DMD: variants seen among roughly 807,000 people sequenced by gnomAD.
DMD encodes mutant dystrophin.
DMD carries 63 observed loss-of-function variants against 330.1 expected under a neutral mutation model. The ratio of observed to expected loss-of-function variants is 0.19; its 90% confidence interval spans 0.16 to 0.24. The LOEUF (loss-of-function observed/expected upper bound fraction) is 0.24. DMD is among the 10% of genes least tolerant of loss of function. The pLI, the probability that DMD is intolerant of heterozygous loss-of-function variation, is 1.00. For synonymous variants in DMD, 1,223 were observed against 959.8 expected (o/e 1.27, Z -5.07); for missense variants, 3,344 against 2,684.1 (o/e 1.25, Z -5.43).
chrX:31,668,496 A>G (rs62587359), intron 53 of DMD, among the ~76,000 whole-genome samples: 4,539 of 110,895 alleles, frequency 0.041, 180 homozygotes, highest in Admixed American at 0.17. Context: ...GCTTTGACAA[A>G]TAATTATATA....
At chrX:31,558,672 GTA>G (rs199910510) in intron 55 of DMD, among the ~76,000 whole-genome samples, 3 of 108,979 alleles carry the variant, frequency 2.8e-5, no homozygotes, top group South Asian at 3.9e-4. Flanking sequence ...ATATGTGTGC[GTA>G]TATATATATA....
intron 9 of DMD, among the ~76,000 whole-genome samples, chrX:32,656,685 A>T (rs775542963): frequency 2.7e-5 from 3 of 112,075 alleles, no homozygotes; most frequent in African/African-American, 9.7e-5. Flanking sequence ...TCGTTTTTCA[A>T]GTCACATACC....
At chrX:32,239,134 C>T in intron 43 of DMD, among the ~76,000 whole-genome samples, 1 of 111,541 alleles carries the variant, frequency 9.0e-6, no homozygotes, top group Middle Eastern at 4.7e-3. Context: ...GTAGTACATC[C>T]TTTCCTTATT....
At chrX:32,582,949 G>C (rs2053818609) in intron 13 of DMD, among the ~76,000 whole-genome samples, 2 of 111,341 alleles carry the variant, frequency 1.8e-5, no homozygotes. Flanking sequence ...CAGTCTCTGT[G>C]GGACAGTAGG....
At chrX:32,115,799 A>T (rs2096608087) in intron 44 of DMD, among the ~76,000 whole-genome samples, 1 of 111,261 alleles carries the variant, frequency 9.0e-6, no homozygotes, top group Non-Finnish European at 1.9e-5. Flanking sequence ...TTGTCTTTAA[A>T]ATGTATCCTA....
At chrX:31,415,094 C>T (rs2148911590) in intron 60 of DMD, among the ~76,000 whole-genome samples, 1 of 112,285 alleles carries the variant, frequency 8.9e-6, no homozygotes, top group African/African-American at 3.2e-5. Context: ...TTCAGGCTTC[C>T]TTGTATTGTA....
intron 52 of DMD, among the ~76,000 whole-genome samples, chrX:31,711,138 T>G (rs2084606694): frequency 9.0e-6 from 1 of 111,294 alleles, no homozygotes; most frequent in African/African-American, 3.3e-5. Flanking sequence ...CTTTATAAAG[T>G]TCCTAGAGTT....
chrX:33,031,855 G>A (rs866217438), intron 1 of DMD, among the ~76,000 whole-genome samples: 2 of 111,681 alleles, frequency 1.8e-5, no homozygotes, highest in African/African-American at 6.5e-5. Flanking sequence ...CTGAAAAGAG[G>A]AAATAATCGT....
intron 7 of DMD, among the ~76,000 whole-genome samples, chrX:32,747,040 T>G (rs2070123373): frequency 1.8e-5 from 2 of 112,206 alleles, no homozygotes; most frequent in African/African-American, 3.2e-5. Flanking sequence ...ATTTCATTCT[T>G]TTTATGGCTG....
At chrX:31,798,274 A>C (rs984604885) in intron 50 of DMD, among the ~76,000 whole-genome samples, 1 of 110,759 alleles carries the variant, frequency 9.0e-6, no homozygotes, top group Non-Finnish European at 1.9e-5. Context: ...GAAGAAGATG[A>C]GTATTTTTTT....
intron 50 of DMD, among the ~76,000 whole-genome samples, chrX:31,775,289 G>A (rs73461817): frequency 0.04 from 4,402 of 111,033 alleles, 232 homozygotes; most frequent in African/African-American, 0.14. Context: ...AATAGTGTTA[G>A]GTATTACTGT....
chrX:32,599,254 G>A (rs897657237), intron 12 of DMD, among the ~76,000 whole-genome samples: 6 of 111,031 alleles, frequency 5.4e-5, no homozygotes, highest in African/African-American at 9.8e-5. Flanking sequence ...ACTATGCAAC[G>A]TTCAGGGTTT....
chrX:33,151,342 T>C (rs1250647639), intron 1 of DMD, among the ~76,000 whole-genome samples: 3 of 112,710 alleles, frequency 2.7e-5, no homozygotes, highest in Non-Finnish European at 1.9e-5. Flanking sequence ...TCTTACATTT[T>C]AGCTGCTGAC....
intron 44 of DMD, among the ~76,000 whole-genome samples, chrX:32,208,118 G>T (rs2097078447): frequency 9.0e-6 from 1 of 111,152 alleles, no homozygotes; most frequent in Non-Finnish European, 1.9e-5. Flanking sequence ...GTAGCAATAA[G>T]AACAAATTAC....
chrX:31,350,104 A>G, intron 60 of DMD, among the ~76,000 whole-genome samples: 1 of 111,315 alleles, frequency 9.0e-6, no homozygotes, highest in Admixed American at 9.6e-5. Context: ...CAAAAGCATG[A>G]GGGACATATC....
At chrX:32,414,601 A>G (rs3761606) in intron 29 of DMD, among the ~76,000 whole-genome samples, 31,827 of 111,073 alleles carry the variant, frequency 0.29, 5,393 homozygotes, top group African/African-American at 0.65. Context: ...CAATAGCTTT[A>G]TTTATGACTG....
chrX:31,650,885 G>A, intron 54 of DMD, among the ~76,000 whole-genome samples: 1 of 111,929 alleles, frequency 8.9e-6, no homozygotes, highest in Non-Finnish European at 1.9e-5. Context: ...ACAGATCCAA[G>A]GCTGTTGTGA....
chrX:32,506,687 T>A (rs184043625), intron 18 of DMD, among the ~76,000 whole-genome samples: 91 of 111,920 alleles, frequency 8.1e-4, no homozygotes, highest in African/African-American at 2.7e-3. Context: ...CTTTTTAATA[T>A]CTTACATTCC....
chrX:32,988,374 T>TC (rs1164885030), intron 2 of DMD, among the ~76,000 whole-genome samples: 2 of 111,766 alleles, frequency 1.8e-5, no homozygotes, highest in Non-Finnish European at 3.8e-5. Flanking sequence ...GAAAGTCTGG[T>TC]GATCCTTTCC....
Sources: gnomAD v4.1 joint callset for allele counts (sites outside exome capture counted in the v4.1 genomes callset) on GRCh38, gnomAD v4.1.1 for gene constraint, MANE v1.5 for transcripts, NCBI Gene and HGNC (gene_info 2026-07-23, HGNC 2026-07-21) for gene names.